Variants in EPHA1 observed in about 807,000 individuals in gnomAD.
The protein encoded by EPHA1 is EPH receptor A1.
Under a neutral mutation model 110.1 loss-of-function variants are expected in EPHA1, and 92 were observed. That is an observed-to-expected ratio of 0.84 (90% confidence interval 0.71 to 0.99). The LOEUF is 0.99. EPHA1 is among the 50% of genes least tolerant of loss of function. EPHA1 has a pLI of 0.00. For synonymous variants in EPHA1, 500 were observed against 516.1 expected (o/e 0.97, Z 0.42); for missense variants, 1,204 against 1,285.4 (o/e 0.94, Z 0.97).
chr7:143,403,749 G>A (rs1445652836), intron 2 of EPHA1, among the ~76,000 whole-genome samples: 3 of 152,164 alleles, frequency 2.0e-5, no homozygotes, highest in African/African-American at 7.2e-5. Context: ...CAATCCTAGG[G>A]TCAAAACACA....
In EPHA1 at chr7:143,398,088, A is replaced by G. The variant is rs773654939; in HGVS notation, c.1465-18T>C. The G allele has an allele frequency of 7.4e-6, 12 of 1,613,454 alleles. No individual in the cohort carries two copies. The highest frequency in any genetic ancestry group is 1.0e-5 in the Non-Finnish European group (12 of 1,179,580). ...TCTTCATCCTGTGGGTTGGAGTTGC[A>G]TTAAGTGGGCAGTGCTGAGCCAGAC... is the stretch of plus-strand genomic sequence containing the variant. On this transcript the variant is annotated intron_variant, in intron 7 of 17. Transcript: ENST00000275815.
Position 143,393,586 on chromosome 7 carries a change from G to T in EPHA1, c.2696+85C>A. 1 of 1,478,832 alleles carries T rather than the reference G, an allele frequency of 6.8e-7. No individual in the cohort carries two copies. The highest frequency in any genetic ancestry group is 9.2e-7 in the Non-Finnish European group (1 of 1,091,082). 91.6% of individuals were successfully genotyped at this position (1,478,832 alleles called of 1,614,324 possible). A position where few individuals can be genotyped will look rare whatever the true frequency, so the allele number is the denominator to read the frequency against. On this transcript the variant is annotated intron_variant, in intron 16 of 17. Coordinates refer to ENST00000275815, the MANE Select transcript of EPHA1 (RefSeq NM_005232.5). The surrounding 1 kb of genome is among the most constrained non-coding windows in gnomAD (Gnocchi z 5.6). ...CTTGGTCCAGAGCTCCCCAGGCCCA[G>T]CGCTCAAAGAAGATTGGCTGAATGC...
chr7:143,403,349 C>T (rs913642184), intron 2 of EPHA1, among the ~76,000 whole-genome samples: 19 of 152,088 alleles, frequency 1.2e-4, no homozygotes, highest in African/African-American at 3.4e-4. Context: ...CCAGCATGGG[C>T]GACAAAGCAA....
At chr7:143,397,535 G>GT (rs1805288388) in intron 9 of EPHA1, 26 bp downstream of exon 9, 9 of 1,606,758 alleles carry the variant, frequency 5.6e-6, no homozygotes, top group Admixed American at 1.7e-5. Flanking sequence ...AGGGCTGGTG[G>GT]TTGGGGAGGG....
At chr7:143,392,942 G>A (rs1434734820) in intron 16 of EPHA1, among the ~76,000 whole-genome samples, 3 of 151,808 alleles carry the variant, frequency 2.0e-5, no homozygotes, top group African/African-American at 4.8e-5. Context: ...ACTCCGTCTC[G>A]GGGTGGAAAA....
At chr7:143,391,566 C>T in intron 17 of EPHA1, 31 bp from the exon 18 acceptor site, 1 of 1,614,122 alleles carries the variant, frequency 6.2e-7, no homozygotes, top group Non-Finnish European at 8.5e-7. Context: ...GGGCATGAGT[C>T]CGGAGGCTCC....
At chr7:143,397,522 C>A in intron 9 of EPHA1, 39 bp downstream of exon 9, 1 of 1,611,834 alleles carries the variant, frequency 6.2e-7, no homozygotes. Context: ...GGGCTTCTGA[C>A]CCAGGGCTGG....
chr7:143,397,284 C>T lies in EPHA1; in HGVS notation c.1771+20G>A, dbSNP rs909473186. 24 of 1,545,378 alleles carry T rather than the reference C, an allele frequency of 1.6e-5. No individual in the cohort carries two copies. The highest frequency in any genetic ancestry group is 5.9e-5 in the Admixed American group (3 of 50,870). ...GTGTGCACACGCATGTGGGGACACA[C>T]GCAGGTGCACCCGACTCACCTCGAT... is the stretch of plus-strand genomic sequence containing the variant. On this transcript the variant is annotated intron_variant, in intron 10 of 17. Coordinates refer to ENST00000275815, the MANE Select transcript of EPHA1 (RefSeq NM_005232.5).
chr7:143,391,196 A>AAT lies in EPHA1; in HGVS notation c.*259_*260dup, dbSNP rs1805064579. On this transcript the variant is annotated 3_prime_UTR_variant, in exon 18 of 18. Coordinates refer to ENST00000275815, the MANE Select transcript of EPHA1 (RefSeq NM_005232.5). Reference sequence around the variant, plus strand: ...AAATCAGTTCCTGTTTATTTACAAAAATATATATATGTGTATGTATGTATA... The same window carrying AAT: ...AAATCAGTTCCTGTTTATTTACAAAAATATATATATATGTGTATGTATGTATA... 3 of 447,070 alleles carry AAT rather than the reference A, an allele frequency of 6.7e-6. No individual in the cohort carries two copies. Among genetic ancestry groups the AAT allele is most frequent in the African/African-American group, 2.0e-5 (1 of 51,066 alleles). 27.7% of individuals were successfully genotyped at this position (447,070 alleles called of 1,614,324 possible).
rs201228574 is a variant in EPHA1, at chr7:143,401,473, C to T, written c.283G>A (p.Val95Ile). 1.5e-5 allele frequency: 25 copies of T among 1,614,090 alleles called. No homozygotes were observed. Among genetic ancestry groups the T allele is most frequent in the South Asian group, 2.2e-5 (2 of 91,086 alleles). The change falls in exon 3 of 18, where the codon GTC becomes ATC. Residue 95 changes from valine to isoleucine, a missense_variant. By Grantham distance (29) the Val-to-Ile change is conservative. Coordinates refer to ENST00000275815, the MANE Select transcript of EPHA1 (RefSeq NM_005232.5). This position sits in a 1 kb window ranked among gnomAD's most constrained non-coding sequence, Gnocchi z 4.1. ...WIYRGEEASR[V>I]HVELQFTVRD... is the part of the protein sequence containing the mutation. ...ACGGTGAACTGCAGCTCCACGTGGACGCGGGAAGCCTCCTCCCCGCGGTAG... is the reference window on the plus strand; with the variant it reads ...ACGGTGAACTGCAGCTCCACGTGGATGCGGGAAGCCTCCTCCCCGCGGTAG...
chr7:143,402,360 G>C (rs1030700252), intron 2 of EPHA1, among the ~76,000 whole-genome samples: 2 of 152,080 alleles, frequency 1.3e-5, no homozygotes, highest in Non-Finnish European at 2.9e-5. Context: ...TGGACTTCTT[G>C]ATACTATCTA....
intron 3 of EPHA1, chr7:143,400,752 A>G (rs1805393674): frequency 6.5e-6 from 1 of 154,986 alleles, no homozygotes; most frequent in Non-Finnish European, 1.4e-5. Context: ...ATAAAAGCCT[A>G]TAAAATAGAT....
At position 143,399,902 on chromosome 7, in the gene EPHA1, A is replaced by G. The variant is rs774371662; in HGVS notation, c.584T>C (p.Val195Ala). ...FHNPGACVAL[V>A]SVRVFYQRCP... ...GCGCTGGTAGAAGACCCGGACAGACACCAGGGCCACACAGGCACCCGGGTT... is the reference window on the plus strand; with the variant it reads ...GCGCTGGTAGAAGACCCGGACAGACGCCAGGGCCACACAGGCACCCGGGTT... The change falls in exon 4 of 18, where the codon GTG becomes GCG. Residue 195 changes from valine (V) to alanine (A), a missense_variant. Val to Ala is a moderately conservative substitution (Grantham distance 64, BLOSUM62 0). Coordinates refer to ENST00000275815, the MANE Select transcript of EPHA1 (RefSeq NM_005232.5). The G allele has an allele frequency of 6.4e-5, 103 of 1,611,730 alleles. No homozygotes were observed. The highest frequency in any genetic ancestry group is 8.2e-5 in the Non-Finnish European group (97 of 1,178,976).
rs1363208143 is a variant in EPHA1 at position 143,397,370 on chromosome 7, G to T, written c.1713-8C>A. 1 of 1,549,600 alleles carries T rather than the reference G, an allele frequency of 6.5e-7. No homozygotes were observed. The highest frequency in any genetic ancestry group is 8.7e-7 in the Non-Finnish European group (1 of 1,146,670). ...CTCTGCCGCTGGGCTCTCCTGTGGG[G>T]GTTGGGGACCAGCTCCTTCAGGGCC... On this transcript the variant is annotated splice_region_variant and splice_polypyrimidine_tract_variant and intron_variant, in intron 9 of 17. Transcript: ENST00000275815.
At position 143,394,798 on chromosome 7, in the gene EPHA1, G is replaced by A. The variant is rs532387216; in HGVS notation, c.2352+10C>T. The A allele has an allele frequency of 2.0e-5, 32 of 1,613,802 alleles. No individual in the cohort carries two copies. Among genetic ancestry groups the A allele is most frequent in the Middle Eastern group, 1.6e-4 (1 of 6,062 alleles). ...TGTGAATGTGCACTGGGTTTGTACC[G>A]GCCTCTAACCTGGGTTTCGTATGTG... On this transcript the variant is annotated intron_variant, in intron 14 of 17. Transcript: ENST00000275815.
chr7:143,405,247 G>A (rs994065799), intron 2 of EPHA1, among the ~76,000 whole-genome samples: 5 of 152,148 alleles, frequency 3.3e-5, no homozygotes, highest in Non-Finnish European at 7.3e-5. Flanking sequence ...AGATTGCCGT[G>A]GCTGAAGCTG....
At position 143,391,505 on chromosome 7, in the gene EPHA1, G is replaced by T; in HGVS notation, c.2883C>A (p.Pro961=). ...EDLTQMGITL[P]GHQKRILCSI... is the part of the protein sequence containing the mutation. ...TGCAAAGAATGCGCTTCTGGTGCCCGGGCAGTGTGATTCCCATCTGCGTCA... is the reference window on the plus strand; with the variant it reads ...TGCAAAGAATGCGCTTCTGGTGCCCTGGCAGTGTGATTCCCATCTGCGTCA... Residue 961 remains proline (P), a synonymous_variant, in exon 18 of 18, where the codon CCC becomes CCA. Coordinates refer to ENST00000275815, the MANE Select transcript of EPHA1 (RefSeq NM_005232.5). The T allele has an allele frequency of 1.2e-6, 2 of 1,614,124 alleles. No homozygotes were observed. Among genetic ancestry groups the T allele is most frequent in the Non-Finnish European group, 1.7e-6 (2 of 1,180,020 alleles).
chr7:143,397,540 G>C (rs766683764), intron 9 of EPHA1, 21 bp downstream of exon 9: 24 of 1,613,030 alleles, frequency 1.5e-5, no homozygotes, highest in Middle Eastern at 1.7e-4. Context: ...TGGTGGTTGG[G>C]GAGGGGGCAG....
At chr7:143,394,748 G>A (rs1586578702) in intron 14 of EPHA1, 60 bp downstream of exon 14, 1 of 1,589,314 alleles carries the variant, frequency 6.3e-7, no homozygotes, top group Non-Finnish European at 8.6e-7. Flanking sequence ...ACATGTGACT[G>A]TATGAATGGC....
Sources: gnomAD v4.1 joint callset for allele counts (sites outside exome capture counted in the v4.1 genomes callset) on GRCh38, gnomAD v4.1.1 for gene constraint, Gnocchi (gnomAD v3.1) non-coding constraint, MANE v1.5 for transcripts, NCBI Gene and HGNC (gene_info 2026-07-23, HGNC 2026-07-21) for gene names.